PPP2R3B: variants seen among roughly 807,000 people sequenced by gnomAD.
PPP2R3B encodes the protein serine/threonine-protein phosphatase 2A regulatory subunit B'' subunit beta.
Under a neutral mutation model 72.9 loss-of-function variants are expected in PPP2R3B, and 68 were observed. That is an observed-to-expected ratio of 0.93 (90% CI 0.77 to 1.14). The LOEUF is 1.14. PPP2R3B is among the 50% of genes most tolerant of loss of function. The probability of loss-of-function intolerance (pLI) is 0.00; values close to 1 mark genes in which losing one functional copy is unlikely to be tolerated. For synonymous variants in PPP2R3B, 466 were observed against 375.8 expected (o/e 1.24, Z -2.78); for missense variants, 1,018 against 842.0 (o/e 1.21, Z -2.59).
chrX:376,887 G>A (rs2072009730), intron 1 of PPP2R3B, among the ~76,000 whole-genome samples: 1 of 90,432 alleles, frequency 1.1e-5, no homozygotes, highest in African/African-American at 4.5e-5. Flanking sequence ...GCAGGGACGG[G>A]CCGTCCACAC....
intron 1 of PPP2R3B, among the ~76,000 whole-genome samples, chrX:372,164 C>G (rs973735611): frequency 1.8e-4 from 28 of 152,300 alleles, no homozygotes; most frequent in African/African-American, 5.8e-4. Context: ...AAATCCCGCA[C>G]GAGGCTGATC....
At chrX:353,725 T>G (rs1320203788) in intron 2 of PPP2R3B, among the ~76,000 whole-genome samples, 10 of 152,200 alleles carry the variant, frequency 6.6e-5, no homozygotes, top group Non-Finnish European at 1.5e-4. Flanking sequence ...CACTGTGTGG[T>G]GGACCAGGGA....
chrX:363,763 G>A (rs1211675756), intron 1 of PPP2R3B, among the ~76,000 whole-genome samples: 1 of 150,070 alleles, frequency 6.7e-6, no homozygotes, highest in African/African-American at 2.5e-5. Flanking sequence ...CGCTGTGGGG[G>A]TCCCACTGTG....
intron 1 of PPP2R3B, among the ~76,000 whole-genome samples, chrX:370,142 G>A (rs1469103400): frequency 6.6e-6 from 1 of 152,210 alleles, no homozygotes. Flanking sequence ...AAAGGTCGGT[G>A]TTTACACAGA....
At chrX:345,123 T>C (rs997579863) in intron 7 of PPP2R3B, 14 of 485,724 alleles carry the variant, frequency 2.9e-5, no homozygotes, top group Admixed American at 2.8e-4. Flanking sequence ...TAGCCCGGGA[T>C]TGGATGGAAA....
chrX:341,973 CG>C, intron 7 of PPP2R3B, 42 bp from the exon 8 acceptor site: 1 of 1,609,402 alleles, frequency 6.2e-7, no homozygotes, highest in East Asian at 2.2e-5. Context: ...CACCGTGCCT[CG>C]GCCCCGACGT....
intron 2 of PPP2R3B, 94 bp downstream of exon 2, chrX:361,311 T>C: frequency 7.0e-7 from 1 of 1,421,158 alleles, no homozygotes; most frequent in South Asian, 1.3e-5. Flanking sequence ...TCACTCACGC[T>C]CGTGTGACAC....
intron 1 of PPP2R3B, among the ~76,000 whole-genome samples, chrX:369,814 G>A (rs985881019): frequency 6.6e-6 from 1 of 152,218 alleles, no homozygotes; most frequent in East Asian, 1.9e-4. Context: ...CGCTCAGTAC[G>A]GGCTGCAACG....
rs183165056 is a variant in PPP2R3B, at chrX:347,619, G to C, written c.585C>G (p.Ser195=). ...TCCACATGGCGACGAACTTGTGGAC[G>C]GACACGGAGCCCGTGCGCTCCCCGC... ...GAGGERTGSV[S]VHKFVAMWRK... is the part of the protein sequence containing the mutation. The change falls in exon 3 of 13, where the codon TCC becomes TCG. Residue 195 remains serine, a synonymous_variant. Transcript: ENST00000390665. 2 of 1,579,276 alleles carry C rather than the reference G, an allele frequency of 1.3e-6. No individual in the cohort carries two copies. Among genetic ancestry groups the C allele is most frequent in the Non-Finnish European group, 1.7e-6 (2 of 1,162,204 alleles).
intron 2 of PPP2R3B, among the ~76,000 whole-genome samples, chrX:356,204 AG>A (rs2071431064): frequency 1.3e-5 from 2 of 152,234 alleles, no homozygotes; most frequent in South Asian, 4.2e-4. Context: ...CCCCGGAAGC[AG>A]GGTTTTTTGT....
At chrX:345,468 G>A (rs1355130149) in intron 7 of PPP2R3B, 48 bp downstream of exon 7, 6 of 1,609,242 alleles carry the variant, frequency 3.7e-6, no homozygotes, top group Non-Finnish European at 5.1e-6. Flanking sequence ...TGAGAGAAGG[G>A]TGTGCTCGGT....
chrX:343,907 AGGAGAGG>A (rs1569382995), intron 7 of PPP2R3B, among the ~76,000 whole-genome samples: 9 of 56,490 alleles, frequency 1.6e-4, no homozygotes, highest in Non-Finnish European at 2.1e-4. Flanking sequence ...GACCTCACCA[AGGAGAGG>A]CGGGAGGGAG....
intron 1 of PPP2R3B, among the ~76,000 whole-genome samples, chrX:384,261 A>C (rs1159822631): frequency 7.0e-6 from 1 of 142,420 alleles, no homozygotes; most frequent in African/African-American, 2.6e-5. Context: ...ACGCAAGAAG[A>C]CTCTCTCTCT....
intron 2 of PPP2R3B, among the ~76,000 whole-genome samples, chrX:356,162 G>A (rs1180752869): frequency 1.3e-5 from 2 of 152,222 alleles, no homozygotes; most frequent in Non-Finnish European, 1.5e-5. Flanking sequence ...AGGGGTCAAC[G>A]CTGCTGCCTG....
chrX:364,506 T>TAAAAAAA (rs748519595), intron 1 of PPP2R3B, among the ~76,000 whole-genome samples: 1 of 44,500 alleles, frequency 2.2e-5, no homozygotes, highest in Non-Finnish European at 4.5e-5. Context: ...TCATCTCTAC[T>TAAAAAAA]AAAAAAAAAA....
At chrX:382,834 C>T (rs376367403) in intron 1 of PPP2R3B, among the ~76,000 whole-genome samples, 20 of 152,090 alleles carry the variant, frequency 1.3e-4, no homozygotes, top group Non-Finnish European at 4.4e-5. Flanking sequence ...TTTACCTTAG[C>T]GTCTGGCTGT....
At chrX:376,523 G>C (rs2071999519) in intron 1 of PPP2R3B, among the ~76,000 whole-genome samples, 1 of 146,626 alleles carries the variant, frequency 6.8e-6, no homozygotes, top group Non-Finnish European at 1.5e-5. Context: ...CTGTATGCAG[G>C]GACGGGCCGT....
intron 2 of PPP2R3B, among the ~76,000 whole-genome samples, chrX:355,795 C>G (rs2071422839): frequency 6.6e-6 from 1 of 152,152 alleles, no homozygotes; most frequent in Non-Finnish European, 1.5e-5. Flanking sequence ...GAAAGGAGGC[C>G]TGAGGTAGCG....
chrX:347,165 G>GA, intron 4 of PPP2R3B, 69 bp downstream of exon 4: 6 of 84,584 alleles, frequency 7.1e-5, no homozygotes, highest in Admixed American at 1.1e-4. Flanking sequence ...GCCCTCCCAT[G>GA]AGGCATGCGG....
Sources: gnomAD v4.1 joint callset for allele counts (sites outside exome capture counted in the v4.1 genomes callset) on GRCh38, gnomAD v4.1.1 for gene constraint, MANE v1.5 for transcripts, NCBI Gene and HGNC (gene_info 2026-07-23, HGNC 2026-07-21) for gene names.